SMS: variants seen among roughly 807,000 people sequenced by gnomAD.
The protein encoded by SMS is spermine synthase, also known as spermidine aminopropyltransferase.
In SMS, 3 loss-of-function variants were observed where a neutral mutation model predicts 33.0. The observed-to-expected ratio is 0.09, with a 90% CI of 0.04 to 0.23. The LOEUF (loss-of-function observed/expected upper bound fraction) is 0.23. Ranked by LOEUF, SMS falls within the 10% of genes least tolerant of loss-of-function variation. SMS has a pLI of 1.00. For synonymous variants in SMS, 103 were observed against 112.2 expected (o/e 0.92, Z 0.52); for missense variants, 117 against 288.6 (o/e 0.41, Z 4.31).
chrX:21,954,014 G>A (rs1335913216), intron 1 of SMS, among the ~76,000 whole-genome samples: 1 of 110,098 alleles, frequency 9.1e-6, no homozygotes, highest in Non-Finnish European at 1.9e-5. Context: ...GTACTCTTAA[G>A]TATTCTCATT....
chrX:21,951,389 C>T (rs1297512529), intron 1 of SMS, among the ~76,000 whole-genome samples: 2 of 112,097 alleles, frequency 1.8e-5, no homozygotes, highest in Non-Finnish European at 3.8e-5. Flanking sequence ...CTGTAGGTTG[C>T]CTGTTCACTC....
chrX:21,990,173 G>T (rs1925665170), intron 9 of SMS, among the ~76,000 whole-genome samples: 1 of 112,399 alleles, frequency 8.9e-6, no homozygotes, highest in African/African-American at 3.2e-5. Flanking sequence ...GGTGGCTTAT[G>T]CCTGTAATCC....
intron 1 of SMS, among the ~76,000 whole-genome samples, chrX:21,964,919 A>G (rs1923596740): frequency 8.9e-6 from 1 of 111,870 alleles, no homozygotes; most frequent in Non-Finnish European, 1.9e-5. Context: ...CAGAAGTTCC[A>G]GATCAAAACG....
chrX:21,944,502 A>G (rs1291053983), intron 1 of SMS, among the ~76,000 whole-genome samples: 1 of 94,902 alleles, frequency 1.1e-5, no homozygotes, highest in Non-Finnish European at 2.1e-5. Flanking sequence ...CCTGGGCAAC[A>G]TGGGAAAAAC....
chrX:21,974,856 C>CTTTTTTTTTTTTTTTTTTTTTTTTTTT (rs11347193), intron 4 of SMS, among the ~76,000 whole-genome samples: 1 of 83,307 alleles, frequency 1.2e-5, no homozygotes. Flanking sequence ...GATTGCTATC[C>CTTTTTTTTTTTTTTTTTTTTTTTTTTT]TTTTTTTTTT....
intron 7 of SMS, among the ~76,000 whole-genome samples, 161 bp from the exon 8 acceptor site, chrX:21,984,143 C>A (rs1247575414): frequency 8.9e-6 from 1 of 111,924 alleles, no homozygotes; most frequent in Non-Finnish European, 1.9e-5. Context: ...TTGCTGTTAA[C>A]AGACATAGAT....
intron 7 of SMS, 57 bp downstream of exon 7, chrX:21,979,023 C>G: frequency 1.2e-6 from 1 of 858,650 alleles, no homozygotes; most frequent in Non-Finnish European, 1.7e-6. Context: ...AGTTATTGAT[C>G]AGAATTGTGC....
rs376332420 is a variant in SMS, at chrX:21,978,039, C to T, written c.585C>T (p.Leu195=). 6.6e-6 allele frequency: 8 copies of T among 1,206,053 alleles called. No homozygotes were observed. Among genetic ancestry groups the T allele is most frequent in the Non-Finnish European group, 7.8e-6 (7 of 891,809 alleles). The change falls in exon 6 of 11, where the codon CTC becomes CTT. Residue 195 remains leucine, a synonymous_variant. Coordinates refer to ENST00000404933, the MANE Select transcript of SMS (RefSeq NM_004595.5). ...AAGATTACACTGGCAAAGATGTACT[C>T]ATTCTGGGAGGTGGAGACGGAGGCA... ...GKEDYTGKDV[L]ILGGGDGGIL...
chrX:21,982,994 G>A (rs979921806), intron 7 of SMS, among the ~76,000 whole-genome samples: 7 of 111,910 alleles, frequency 6.3e-5, no homozygotes, highest in Admixed American at 9.5e-5. Flanking sequence ...AGAATGATGA[G>A]AAATAACATG....
intron 1 of SMS, among the ~76,000 whole-genome samples, chrX:21,952,924 G>A (rs1335021229): frequency 9.5e-6 from 1 of 105,653 alleles, no homozygotes; most frequent in African/African-American, 3.5e-5. Context: ...ATCATCACTG[G>A]CTAATTTTCG....
chrX:21,973,821 T>C (rs1924352079), intron 4 of SMS, among the ~76,000 whole-genome samples: 1 of 113,256 alleles, frequency 8.8e-6, no homozygotes, highest in Non-Finnish European at 1.9e-5. Context: ...CTACGGAACA[T>C]TTTCATCATC....
intron 1 of SMS, among the ~76,000 whole-genome samples, chrX:21,948,817 A>G (rs1030959213): frequency 1.8e-5 from 2 of 111,956 alleles, no homozygotes; most frequent in Non-Finnish European, 3.8e-5. Flanking sequence ...TTAATTCACT[A>G]TTTCACTGCA....
rs1014369995 is a variant in SMS at position 21,978,194 on chromosome X, T to C, written c.660+80T>C. The C allele has an allele frequency of 2.0e-5, 20 of 984,637 alleles. No homozygotes were observed. The East Asian group carries it at 5.8e-4, about 29-fold the overall frequency. The allele number at this position is 984,637 out of a possible 1,213,427, so 81.1% of individuals were successfully genotyped here. Reference sequence around the variant, plus strand: ...TTCAGTGTCTCACAACTCAAATTAATGTTACCACAGACTAGAGGCAAATGT... The same window carrying C: ...TTCAGTGTCTCACAACTCAAATTAACGTTACCACAGACTAGAGGCAAATGT... On this transcript the variant is annotated intron_variant, in intron 6 of 10. Transcript: ENST00000404933.
At chrX:21,985,269 C>G (rs1468527505) in intron 9 of SMS, 46 bp downstream of exon 9, 4 of 798,709 alleles carry the variant, frequency 5.0e-6, no homozygotes, top group Admixed American at 2.2e-5. Context: ...CTAAGACTTT[C>G]CTGTTTTGAA....
chrX:21,980,429 A>AAAAATATATATATATAT (rs1260210326), intron 7 of SMS, among the ~76,000 whole-genome samples: 4 of 63,041 alleles, frequency 6.3e-5, no homozygotes, highest in South Asian at 1.5e-3. Flanking sequence ...AAAAAAAAAA[A>AAAAATATATATATATAT]ATATATATAT....
In SMS at chrX:21,940,838, G is replaced by A; in HGVS notation, c.14G>A (p.Arg5Gln). 8.9e-7 allele frequency: 1 copy of A among 1,120,490 alleles called. No homozygotes were observed. The highest frequency in any genetic ancestry group is 1.2e-6 in the Non-Finnish European group (1 of 854,974). The allele number at this position is 1,120,490 out of a possible 1,213,427, so 92.3% of individuals were successfully genotyped here. The change falls in exon 1 of 11, where the codon CGG becomes CAG. Residue 5 changes from arginine to glutamine, a missense_variant. Physicochemically the swap from Arg to Gln is conservative, Grantham distance 43. Around this residue, in one of 3 missense-constraint regions of SMS, gnomAD observed 23 missense variants for 60.5 expected, o/e 0.38. Coordinates refer to ENST00000404933, the MANE Select transcript of SMS (RefSeq NM_004595.5). ...CCTCGCCTCACTATGGCAGCAGCAC[G>A]GCACAGCACGCTCGACTTCATGCTC... MAAA[R>Q]HSTLDFMLGA...
intron 1 of SMS, among the ~76,000 whole-genome samples, chrX:21,948,242 C>A (rs1922368236): frequency 9.0e-6 from 1 of 110,930 alleles, no homozygotes; most frequent in South Asian, 3.7e-4. Context: ...TATCTGTAAT[C>A]CTCATCTAGT....
intron 1 of SMS, among the ~76,000 whole-genome samples, chrX:21,954,190 A>G (rs1280607146): frequency 8.9e-6 from 1 of 112,161 alleles, no homozygotes; most frequent in Admixed American, 9.5e-5. Context: ...TCAAATGCTA[A>G]GAATGTTCTG....
rs945725112 is a variant in SMS at position 21,976,937 on chromosome X, G to A, written c.330-124G>A. On this transcript the variant is annotated intron_variant, in intron 4 of 10. Transcript: ENST00000404933. The stretch of plus-strand genomic sequence containing the variant: ...ATATAAAACTAAAAGCCCAAGCTTT[G>A]GATTCGTTTTGTGCTTGTCAAAAGT... The A allele has an allele frequency of 4.3e-5, 27 of 628,825 alleles. No individual in the cohort carries two copies. In the Admixed American group the frequency reaches 4.7e-4, roughly 11 times the overall value. 51.8% of individuals were successfully genotyped at this position (628,825 alleles called of 1,213,427 possible).
Sources: allele counts gnomAD v4.1 joint callset (sites outside exome capture counted in the v4.1 genomes callset), GRCh38; gene constraint gnomAD v4.1.1; regional missense constraint gnomAD v4.1.1; transcripts MANE v1.5; gene names NCBI Gene and HGNC (gene_info 2026-07-23, HGNC 2026-07-21).